EPS8: variants seen among roughly 807,000 people sequenced by gnomAD.
EPS8 encodes epidermal growth factor receptor kinase substrate 8.
A neutral mutation model predicts 103.8 loss-of-function variants in EPS8; 42 were observed. That is an observed-to-expected ratio of 0.40 (90% confidence interval 0.32 to 0.52). The LOEUF is 0.52. Ranked by LOEUF, EPS8 falls within the 20% of genes least tolerant of loss-of-function variation. EPS8 has a pLI of 0.40. For synonymous variants in EPS8, 344 were observed against 344.6 expected (o/e 1.00, Z 0.02); for missense variants, 969 against 1,005.1 (o/e 0.96, Z 0.49).
chr12:15,768,862 G>T (rs941559143), intron 1 of EPS8, among the ~76,000 whole-genome samples: 2 of 151,950 alleles, frequency 1.3e-5, no homozygotes, highest in Non-Finnish European at 2.9e-5. Flanking sequence ...GATTCTCCAG[G>T]TTTACACACC....
At chr12:15,732,199 A>G (rs958689453) in intron 1 of EPS8, among the ~76,000 whole-genome samples, 7 of 148,562 alleles carry the variant, frequency 4.7e-5, no homozygotes, top group Non-Finnish European at 1.0e-4. Context: ...CATCTTAACG[A>G]GATGAATGGT....
chr12:15,726,637 G>A (rs989384136), intron 1 of EPS8, among the ~76,000 whole-genome samples: 3 of 152,118 alleles, frequency 2.0e-5, no homozygotes, highest in Admixed American at 2.0e-4. Context: ...GTGATATAGT[G>A]GGCACTCCTT....
rs534133174 is a variant in EPS8 at position 15,762,849 on chromosome 12, C to G, written c.-22+26312G>C. ...GAATAAGACCTAGTATTTGATAGCA[C>G]AACAGGGTGACTATAGTCAATAATA... On this transcript the variant is annotated intron_variant, in intron 1 of 20. Transcript: ENST00000281172. The surrounding 1 kb of genome is among the most constrained non-coding windows in gnomAD (Gnocchi z 4.8). 2.3e-4 allele frequency among the ~76,000 whole-genome samples: 35 copies of G among 152,204 alleles called. No homozygotes were observed. Among genetic ancestry groups the G allele is most frequent in the African/African-American group, 7.7e-4 (32 of 41,532 alleles).
chr12:15,702,903 C>T lies in EPS8; in HGVS notation c.-21-19931G>A, dbSNP rs931008564. Among the ~76,000 whole-genome samples the T allele has an allele frequency of 6.6e-6, 1 of 152,188 alleles. No individual in the cohort carries two copies. The highest frequency in any genetic ancestry group is 1.5e-5 in the Non-Finnish European group (1 of 68,028). On this transcript the variant is annotated intron_variant, in intron 1 of 20. Coordinates refer to ENST00000281172, the MANE Select transcript of EPS8 (RefSeq NM_004447.6). This position sits in a 1 kb window ranked among gnomAD's most constrained non-coding sequence, Gnocchi z 5.1. ...CGGTGGCTCAGGCCTTTAATCCCAGCACTTTGGGAGGCCGAGGTGGGTGGA... is the reference window on the plus strand; with the variant it reads ...CGGTGGCTCAGGCCTTTAATCCCAGTACTTTGGGAGGCCGAGGTGGGTGGA...
chr12:15,631,963 G>C (rs1945054365), intron 17 of EPS8, among the ~76,000 whole-genome samples: 1 of 152,122 alleles, frequency 6.6e-6, no homozygotes, highest in Admixed American at 6.5e-5. Context: ...AATCACACAA[G>C]ATGAGGGGAG....
chr12:15,625,012 T>A (rs1944922333), intron 18 of EPS8, among the ~76,000 whole-genome samples: 1 of 152,226 alleles, frequency 6.6e-6, no homozygotes, highest in Non-Finnish European at 1.5e-5. Context: ...TAAGGTCATG[T>A]AACTGCCCAC....
Position 15,749,764 on chromosome 12 carries a change from T to C in EPS8, c.-22+39397A>G, listed in dbSNP as rs184661190. Reference sequence around the variant, plus strand: ...ATTAAGTGATTACATGTTGAGATTATAGATATTTTCTTCTTTATTTTCTGT... The same window carrying C: ...ATTAAGTGATTACATGTTGAGATTACAGATATTTTCTTCTTTATTTTCTGT... On this transcript the variant is annotated intron_variant, in intron 1 of 20. Coordinates refer to ENST00000281172, the MANE Select transcript of EPS8 (RefSeq NM_004447.6). This position sits in a 1 kb window ranked among gnomAD's most constrained non-coding sequence, Gnocchi z 4.0. 1.7e-3 allele frequency among the ~76,000 whole-genome samples: 255 copies of C among 152,328 alleles called. 7 individuals carry two copies. Among genetic ancestry groups the C allele is most frequent in the Admixed American group, 0.016 (238 of 15,286 alleles).
rs924875833 is a variant in EPS8 at position 15,736,336 on chromosome 12, C to A, written c.-22+52825G>T. On this transcript the variant is annotated intron_variant, in intron 1 of 20. Transcript: ENST00000281172. This position sits in a 1 kb window ranked among gnomAD's most constrained non-coding sequence, Gnocchi z 4.2. ...GGAGATCTGGATTTGAATTCCAACG[C>A]CATAAGTTAACACTACGGAAATACT... 6.6e-6 allele frequency among the ~76,000 whole-genome samples: 1 copy of A among 152,098 alleles called. No homozygotes were observed. The highest frequency in any genetic ancestry group is 2.4e-5 in the African/African-American group (1 of 41,406).
intron 14 of EPS8, among the ~76,000 whole-genome samples, chr12:15,647,549 T>C (rs1338379211): frequency 6.6e-6 from 1 of 152,218 alleles, no homozygotes; most frequent in African/African-American, 2.4e-5. Context: ...ACCCTATGCA[T>C]TAAAATTATA....
At position 15,745,558 on chromosome 12, in the gene EPS8, CAA is replaced by C. The variant is rs5796646; in HGVS notation, c.-22+43601_-22+43602del. ...CTCCAAAAATCTATGACTATGTATC[CAA>C]AAAAAAAAAAAAATTCTTTAAACCA... is the stretch of plus-strand genomic sequence containing the variant. On this transcript the variant is annotated intron_variant, in intron 1 of 20. Coordinates refer to ENST00000281172, the MANE Select transcript of EPS8 (RefSeq NM_004447.6). This position sits in a 1 kb window ranked among gnomAD's most constrained non-coding sequence, Gnocchi z 4.6. Among the ~76,000 whole-genome samples the C allele has an allele frequency of 1.1e-3, 162 of 145,244 alleles. 2 individuals are homozygous for C. The East Asian group carries it at 0.031, about 28-fold the overall frequency.
rs1182847460 is a variant in EPS8, at chr12:15,695,256, A to G, written c.-21-12284T>C. ...CATGGATTAATTAAAAACTAAAATA[A>G]CTTTTAAACATGATTATTCAAACAA... On this transcript the variant is annotated intron_variant, in intron 1 of 20. Transcript: ENST00000281172. The surrounding 1 kb of genome is among the most constrained non-coding windows in gnomAD (Gnocchi z 5.0). Among the ~76,000 whole-genome samples, 1 of 152,220 alleles carries G rather than the reference A, an allele frequency of 6.6e-6. No homozygotes were observed. The highest frequency in any genetic ancestry group is 1.5e-5 in the Non-Finnish European group (1 of 68,038).
At position 15,721,228 on chromosome 12, in the gene EPS8, C is replaced by T. The variant is rs937550195; in HGVS notation, c.-21-38256G>A. On this transcript the variant is annotated intron_variant, in intron 1 of 20. Transcript: ENST00000281172. The surrounding 1 kb of genome is among the most constrained non-coding windows in gnomAD (Gnocchi z 4.4). ...CACAACAGAGTAACTCAAACTTTTC[C>T]CATTCACAATCTGTAGGAAACCCAC... Among the ~76,000 whole-genome samples the T allele has an allele frequency of 6.6e-6, 1 of 152,122 alleles. No homozygotes were observed. Among genetic ancestry groups the T allele is most frequent in the African/African-American group, 2.4e-5 (1 of 41,434 alleles).
chr12:15,765,981 T>C (rs538378044), intron 1 of EPS8, among the ~76,000 whole-genome samples: 47 of 151,492 alleles, frequency 3.1e-4, no homozygotes, highest in Non-Finnish European at 5.8e-4. Context: ...ACCCAGCTAA[T>C]GTTTTTGTAT....
chr12:15,668,696 T>C (rs1362195030), intron 6 of EPS8, among the ~76,000 whole-genome samples: 2 of 152,234 alleles, frequency 1.3e-5, no homozygotes, highest in African/African-American at 2.4e-5. Flanking sequence ...TGGTGAACTT[T>C]AAATCAATAT....
At chr12:15,644,674 G>C (rs1220941763) in intron 15 of EPS8, among the ~76,000 whole-genome samples, 1 of 149,540 alleles carries the variant, frequency 6.7e-6, no homozygotes, top group African/African-American at 2.5e-5. Context: ...CTCCAGCCTG[G>C]GCGACAGAGC....
chr12:15,630,881 G>A (rs1176010328), intron 18 of EPS8, among the ~76,000 whole-genome samples: 1 of 152,146 alleles, frequency 6.6e-6, no homozygotes, highest in Non-Finnish European at 1.5e-5. Context: ...GTTGCTAAGT[G>A]TCCCTGGTCT....
chr12:15,679,871 C>T (rs1476237488), intron 3 of EPS8, among the ~76,000 whole-genome samples: 1 of 152,160 alleles, frequency 6.6e-6, no homozygotes, highest in African/African-American at 2.4e-5. Context: ...AAATATCTGT[C>T]TAGAAATGAA....
At chr12:15,674,533 A>G (rs574401558) in intron 3 of EPS8, among the ~76,000 whole-genome samples, 7 of 152,334 alleles carry the variant, frequency 4.6e-5, no homozygotes, top group African/African-American at 1.7e-4. Context: ...GGCAACTACA[A>G]TCACAGCTTG....
intron 1 of EPS8, among the ~76,000 whole-genome samples, chr12:15,705,481 G>A (rs576492372): frequency 6.6e-6 from 1 of 151,990 alleles, no homozygotes; most frequent in East Asian, 1.9e-4. Context: ...ACTCCAAGGG[G>A]TTTAAAAAAA....
Sources: allele counts gnomAD v4.1 joint callset (sites outside exome capture counted in the v4.1 genomes callset), GRCh38; gene constraint gnomAD v4.1.1; non-coding constraint Gnocchi (gnomAD v3.1); transcripts MANE v1.5; gene names NCBI Gene and HGNC (gene_info 2026-07-23, HGNC 2026-07-21).